The following EML4 variants were observed in gnomAD, a reference collection of about 807,000 sequenced individuals.
The protein encoded by EML4 is echinoderm microtubule-associated protein-like 4.
A neutral mutation model predicts 129.0 loss-of-function variants in EML4; 72 were observed. The observed-to-expected ratio is 0.56, with a 90% CI of 0.46 to 0.68. The LOEUF is 0.68. EML4 is among the 30% of genes least tolerant of loss of function. EML4 has a pLI of 0.00. For synonymous variants in EML4, 532 were observed against 405.0 expected (o/e 1.31, Z -3.77); for missense variants, 1,363 against 1,190.6 (o/e 1.14, Z -2.13).
intron 1 of EML4, among the ~76,000 whole-genome samples, chr2:42,182,744 G>T (rs892426212): frequency 6.6e-6 from 1 of 152,080 alleles, no homozygotes; most frequent in Non-Finnish European, 1.5e-5. Flanking sequence ...CAGACTGGGT[G>T]GTTTAAACAA....
At chr2:42,325,602 TTATATATATATATATA>T (rs10530482) in intron 20 of EML4, 48 bp downstream of exon 20, 4,462 of 128,774 alleles carry the variant, frequency 0.035, 318 homozygotes, top group African/African-American at 0.11. Flanking sequence ...ATGATTATAT[TTATATATATATATATA>T]TATATATATA....
chr2:42,322,976 G>T (rs1669597767), intron 19 of EML4, among the ~76,000 whole-genome samples: 1 of 152,114 alleles, frequency 6.6e-6, no homozygotes, highest in South Asian at 2.1e-4. Flanking sequence ...TCCTTTTTGA[G>T]AATACTTTAT....
chr2:42,312,585 G>C (rs1669021726), intron 17 of EML4, among the ~76,000 whole-genome samples: 1 of 149,630 alleles, frequency 6.7e-6, no homozygotes, highest in South Asian at 2.1e-4. Context: ...ACGGGGTCTT[G>C]CTCTGTCGCC....
intron 8 of EML4, among the ~76,000 whole-genome samples, chr2:42,283,514 AT>A (rs1452334055): frequency 1.3e-5 from 2 of 152,156 alleles, no homozygotes; most frequent in African/African-American, 4.8e-5. Context: ...GTTTATTAAT[AT>A]TTTCCAACTT....
intron 19 of EML4, among the ~76,000 whole-genome samples, chr2:42,323,827 C>G (rs929096364): frequency 6.6e-6 from 1 of 150,730 alleles, no homozygotes; most frequent in African/African-American, 2.4e-5. Flanking sequence ...ACCTGTAGTC[C>G]CAGCTACTTG....
chr2:42,328,975 T>TG lies in EML4; in HGVS notation c.2432dup (p.Cys811TrpfsTer2). 1.9e-6 allele frequency: 3 copies of TG among 1,613,328 alleles called. No individual in the cohort carries two copies. The highest frequency in any genetic ancestry group is 2.5e-6 in the Non-Finnish European group (3 of 1,179,890). ...GGTGATAGCTGTTGCCGATGACTTT[T>TG]GTAAAGTCCATCTGTTTCAGTATCC... On this transcript the variant is annotated frameshift_variant, in exon 22 of 23. Transcript: ENST00000318522. LOFTEE classifies it high-confidence loss of function.
chr2:42,324,803 GTTTCGTA>G (rs1459943844), intron 19 of EML4, among the ~76,000 whole-genome samples: 1 of 152,210 alleles, frequency 6.6e-6, no homozygotes, highest in African/African-American at 2.4e-5. Flanking sequence ...AAAAATTAGT[GTTTCGTA>G]GTTTTTTTGT....
intron 1 of EML4, among the ~76,000 whole-genome samples, chr2:42,190,976 G>T (rs917812926): frequency 6.6e-6 from 1 of 152,194 alleles, no homozygotes; most frequent in Non-Finnish European, 1.5e-5. Flanking sequence ...AGATTTGGCT[G>T]TGTAGCCAGT....
At chr2:42,281,697 A>C (rs77228430) in intron 7 of EML4, among the ~76,000 whole-genome samples, 24 of 152,218 alleles carry the variant, frequency 1.6e-4, no homozygotes, top group Non-Finnish European at 2.8e-4. Context: ...TGTAACCTCA[A>C]ATTAACAAGG....
chr2:42,212,557 C>G (rs978482579), intron 1 of EML4, among the ~76,000 whole-genome samples: 2 of 152,056 alleles, frequency 1.3e-5, no homozygotes, highest in African/African-American at 4.8e-5. Flanking sequence ...AAAACCTTCC[C>G]TTCCTCAGCT....
intron 1 of EML4, among the ~76,000 whole-genome samples, chr2:42,219,924 TAAAA>T (rs56773943): frequency 3.6e-5 from 5 of 137,678 alleles, no homozygotes; most frequent in Non-Finnish European, 1.6e-5. Flanking sequence ...AGACTCCATC[TAAAA>T]AAAAAAAAAA....
At chr2:42,200,875 G>C (rs1672191062) in intron 1 of EML4, among the ~76,000 whole-genome samples, 1 of 152,286 alleles carries the variant, frequency 6.6e-6, no homozygotes, top group Non-Finnish European at 1.5e-5. Flanking sequence ...AAATGAGGCA[G>C]GAAATGAGGG....
rs150928977 is a variant in EML4, at chr2:42,295,430, G to A, written c.1403G>A (p.Gly468Glu). Residue 468 changes from glycine (G) to glutamate (E), a missense_variant, in exon 13 of 23, where the codon GGA (glycine) becomes GAA (glutamate). Physicochemically the swap from Gly to Glu is moderately conservative, Grantham distance 98. Coordinates refer to ENST00000318522, the MANE Select transcript of EML4 (RefSeq NM_019063.5). Reference sequence around the variant, plus strand: ...CAGTGTTTAGCATTCTTGGGGAATGGAGATGTTCTTACTGGAGACTCAGGT... The same window carrying A: ...CAGTGTTTAGCATTCTTGGGGAATGAAGATGTTCTTACTGGAGACTCAGGT... ...FVQCLAFLGN[G>E]DVLTGDSGGV... 26 of 1,613,818 alleles carry A rather than the reference G, an allele frequency of 1.6e-5. No individual in the cohort carries two copies. The highest frequency in any genetic ancestry group is 2.2e-5 in the Non-Finnish European group (26 of 1,179,872).
intron 11 of EML4, among the ~76,000 whole-genome samples, chr2:42,291,576 G>T (rs373774602): frequency 2.4e-4 from 36 of 151,828 alleles, no homozygotes; most frequent in East Asian, 7.8e-4. Context: ...GCTAATTTTT[G>T]TATTTTTTTA....
rs142039831 is a variant in EML4 at position 42,175,806 on chromosome 2, A to G, written c.25+6170A>G. 2.7e-4 allele frequency among the ~76,000 whole-genome samples: 41 copies of G among 152,290 alleles called. 2 individuals carry two copies. In the East Asian group the frequency reaches 7.1e-3, roughly 26 times the overall value. ...GAGTCACCATGCCCAGCATCATATTATTTTTAAATAAAACACCATAGAAAG... is the reference window on the plus strand; with the variant it reads ...GAGTCACCATGCCCAGCATCATATTGTTTTTAAATAAAACACCATAGAAAG... On this transcript the variant is annotated intron_variant, in intron 1 of 22. Coordinates refer to ENST00000318522, the MANE Select transcript of EML4 (RefSeq NM_019063.5).
rs1226050517 is a variant in EML4 at position 42,330,324 on chromosome 2, G to A, written c.*117G>A. On this transcript the variant is annotated 3_prime_UTR_variant, in exon 23 of 23. Transcript: ENST00000318522. Reference sequence around the variant, plus strand: ...TGTTGATTGAGATTTTGGTTTCCATGTGATTTGTTTTCTTCAATAGTCTTA... The same window carrying A: ...TGTTGATTGAGATTTTGGTTTCCATATGATTTGTTTTCTTCAATAGTCTTA... 4 of 938,268 alleles carry A rather than the reference G, an allele frequency of 4.3e-6. No homozygotes were observed. The highest frequency in any genetic ancestry group is 1.6e-5 in the African/African-American group (1 of 61,752). 58.1% of individuals were successfully genotyped at this position (938,268 alleles called of 1,614,324 possible). A position where few individuals can be genotyped will look rare whatever the true frequency, so the allele number is the denominator to read the frequency against.
chr2:42,184,095 A>AT (rs1014932311), intron 1 of EML4, among the ~76,000 whole-genome samples: 46 of 152,276 alleles, frequency 3.0e-4, no homozygotes, highest in African/African-American at 1.1e-3. Context: ...TGTTTTTTGA[A>AT]TGAGTCTGTG....
At chr2:42,179,917 T>C (rs893827047) in intron 1 of EML4, among the ~76,000 whole-genome samples, 7 of 152,154 alleles carry the variant, frequency 4.6e-5, no homozygotes, top group South Asian at 2.1e-4. Flanking sequence ...GTTTTATATA[T>C]ACACACAGAT....
chr2:42,236,701 G>A (rs1354040404), intron 1 of EML4, among the ~76,000 whole-genome samples: 1 of 152,138 alleles, frequency 6.6e-6, no homozygotes, highest in Non-Finnish European at 1.5e-5. Flanking sequence ...TAGGATGTGT[G>A]TGTCTTCAGT....
Sources: allele counts gnomAD v4.1 joint callset (sites outside exome capture counted in the v4.1 genomes callset), GRCh38; gene constraint gnomAD v4.1.1; transcripts MANE v1.5; gene names NCBI Gene and HGNC (gene_info 2026-07-23, HGNC 2026-07-21).